Variants in DNAH8 observed in about 807,000 individuals in gnomAD.
The protein encoded by DNAH8 is axonemal beta dynein heavy chain 8.
Under a neutral mutation model 562.1 loss-of-function variants are expected in DNAH8, and 382 were observed. That is an observed-to-expected ratio of 0.68 (90% CI 0.63 to 0.74). DNAH8 has a LOEUF of 0.74. DNAH8 is among the 30% of genes least tolerant of loss of function. DNAH8 has a pLI of 0.00. For synonymous variants in DNAH8, 1,881 were observed against 1,919.4 expected (o/e 0.98, Z 0.52); for missense variants, 5,203 against 5,620.4 (o/e 0.93, Z 2.37).
At chr6:38,853,075 A>G (rs1775887704) in intron 40 of DNAH8, 111 bp from the exon 41 acceptor site, 4 of 826,132 alleles carry the variant, frequency 4.8e-6, no homozygotes, top group South Asian at 1.8e-5. Flanking sequence ...TGTATAAAAT[A>G]TGAAACTGTT....
intron 42 of DNAH8, among the ~76,000 whole-genome samples, chr6:38,858,733 G>C (rs999192406): frequency 6.6e-6 from 1 of 152,196 alleles, no homozygotes. Flanking sequence ...CTATCAGAAA[G>C]CTGCACACTT....
At chr6:38,879,177 A>G (rs1290649821) in intron 53 of DNAH8, among the ~76,000 whole-genome samples, 1 of 152,156 alleles carries the variant, frequency 6.6e-6, no homozygotes, top group Non-Finnish European at 1.5e-5. Flanking sequence ...AATAATACCA[A>G]CTGTACACAA....
intron 24 of DNAH8, among the ~76,000 whole-genome samples, chr6:38,808,514 CTGTGGAAGACAG>C (rs1771501888): frequency 6.6e-6 from 1 of 152,140 alleles, no homozygotes; most frequent in Non-Finnish European, 1.5e-5. Flanking sequence ...AGTTCAACCA[CTGTGGAAGACAG>C]TGTGGCGATT....
At chr6:38,970,177 G>A (rs1434829170) in intron 82 of DNAH8, among the ~76,000 whole-genome samples, 1 of 152,192 alleles carries the variant, frequency 6.6e-6, no homozygotes, top group Non-Finnish European at 1.5e-5. Flanking sequence ...CAGAGAGGCT[G>A]TGGCTCACAC....
intron 85 of DNAH8, among the ~76,000 whole-genome samples, chr6:38,975,545 T>C (rs1763612018): frequency 6.6e-6 from 1 of 152,222 alleles, no homozygotes; most frequent in Non-Finnish European, 1.5e-5. Context: ...CCTAATTCAT[T>C]ATCCCTACCA....
intron 8 of DNAH8, among the ~76,000 whole-genome samples, chr6:38,743,007 CTTTTTTTTTTTTTTTT>C (rs11340457): frequency 1.9e-5 from 1 of 51,978 alleles, no homozygotes; most frequent in Admixed American, 2.8e-4. Context: ...TGTTGTTGTG[CTTTTTTTTTTTTTTTT>C]TTTTTTTTTT....
chr6:39,005,734 A>G (rs972993038), intron 88 of DNAH8, among the ~76,000 whole-genome samples: 10 of 152,210 alleles, frequency 6.6e-5, no homozygotes, highest in African/African-American at 2.2e-4. Flanking sequence ...TAGTTATTTT[A>G]TCCTAGCAAT....
At position 38,761,745 on chromosome 6, in the gene DNAH8, A is replaced by T. The variant is rs747426488; in HGVS notation, c.1559A>T (p.Asp520Val). ...MVTACKAYIT[D>V]GGLNHVWDQE... ...ACAGCATGTAAAGCATATATTACTG[A>T]TGGAGGATTAAACCATGTATGGGAT... is the stretch of plus-strand genomic sequence containing the variant. The change falls in exon 11 of 93, where the codon GAT (aspartate) becomes GTT (valine). Residue 520 changes from aspartate to valine, a missense_variant. Physicochemically the swap from Asp to Val is radical, Grantham distance 152. Transcript: ENST00000327475. 1 of 1,565,842 alleles carries T rather than the reference A, an allele frequency of 6.4e-7. No homozygotes were observed. The highest frequency in any genetic ancestry group is 2.0e-5 in the Admixed American group (1 of 50,628).
chr6:38,872,166 A>G (rs1777520267), intron 49 of DNAH8, among the ~76,000 whole-genome samples: 1 of 152,154 alleles, frequency 6.6e-6, no homozygotes, highest in African/African-American at 2.4e-5. Flanking sequence ...GCTGCTTTCC[A>G]CCACTAAGGG....
intron 66 of DNAH8, 42 bp downstream of exon 66, chr6:38,911,628 T>C: frequency 7.6e-7 from 1 of 1,314,520 alleles, no homozygotes; most frequent in South Asian, 1.3e-5. Context: ...AGAAATAGGG[T>C]TTATTTGATA....
intron 20 of DNAH8, 118 bp downstream of exon 20, chr6:38,790,523 G>A: frequency 1.9e-6 from 1 of 533,242 alleles, no homozygotes; most frequent in South Asian, 2.3e-5. Flanking sequence ...CATCCGTTAG[G>A]TTTAAAATAT....
rs1359409184 is a variant in DNAH8, at chr6:38,909,660, C to CT, written c.9657dup (p.Ser3220Ter). Reference sequence around the variant, plus strand: ...CTTTCAGACTATAATATTGTCTGCTCTAGTGAAATTAAAAGACAAGTTGTA... The same window carrying CT: ...CTTTCAGACTATAATATTGTCTGCTCTTAGTGAAATTAAAAGACAAGTTGTA... On this transcript the variant is annotated frameshift_variant, in exon 65 of 93. Coordinates refer to ENST00000327475, the MANE Select transcript of DNAH8 (RefSeq NM_001206927.2). LOFTEE classifies it high-confidence loss of function. 4 of 1,613,870 alleles carry CT rather than the reference C, an allele frequency of 2.5e-6. No homozygotes were observed. Among genetic ancestry groups the CT allele is most frequent in the Non-Finnish European group, 3.4e-6 (4 of 1,179,900 alleles).
intron 88 of DNAH8, among the ~76,000 whole-genome samples, chr6:39,007,756 C>T (rs1457273514): frequency 6.6e-6 from 1 of 152,184 alleles, no homozygotes; most frequent in Admixed American, 6.5e-5. Context: ...CACCCCAACC[C>T]TTACTTCTTA....
At chr6:39,011,434 G>A (rs144833246) in intron 89 of DNAH8, among the ~76,000 whole-genome samples, 48 of 152,284 alleles carry the variant, frequency 3.2e-4, no homozygotes, top group African/African-American at 1.1e-3. Flanking sequence ...GCATCTCTTT[G>A]ATTGTGGCCA....
chr6:38,758,263 C>T (rs1766130754), intron 10 of DNAH8, among the ~76,000 whole-genome samples: 1 of 151,792 alleles, frequency 6.6e-6, no homozygotes, highest in East Asian at 1.9e-4. Context: ...AAGTTGGATT[C>T]CTAGGTATTT....
intron 89 of DNAH8, among the ~76,000 whole-genome samples, chr6:39,010,600 A>G (rs1766124776): frequency 6.6e-6 from 1 of 152,044 alleles, no homozygotes; most frequent in Non-Finnish European, 1.5e-5. Flanking sequence ...AACTGTTAAT[A>G]TACTAGAGAT....
At chr6:38,927,897 AC>A (rs1160775556) in intron 74 of DNAH8, 4 of 152,154 alleles carry the variant, frequency 2.6e-5, no homozygotes, top group Non-Finnish European at 4.4e-5. Flanking sequence ...AAAACCATCC[AC>A]TGCTGGGATG....
intron 71 of DNAH8, 66 bp downstream of exon 71, chr6:38,921,572 T>C (rs948403150): frequency 5.3e-6 from 8 of 1,521,798 alleles, no homozygotes. Flanking sequence ...CATGCTATAT[T>C]TGGAAATCAG....
At chr6:38,933,478 T>C (rs1052148595) in intron 76 of DNAH8, among the ~76,000 whole-genome samples, 6 of 152,206 alleles carry the variant, frequency 3.9e-5, no homozygotes, top group African/African-American at 9.6e-5. Flanking sequence ...ACATGGACTT[T>C]GCAGCCTGCC....
Sources: allele counts gnomAD v4.1 joint callset (sites outside exome capture counted in the v4.1 genomes callset), GRCh38; gene constraint gnomAD v4.1.1; transcripts MANE v1.5; gene names NCBI Gene and HGNC (gene_info 2026-07-23, HGNC 2026-07-21).